C6orf132: variants seen among roughly 807,000 people sequenced by gnomAD.
The protein encoded by C6orf132 is uncharacterized protein C6orf132.
In C6orf132, 43 loss-of-function variants were observed where a neutral mutation model predicts 65.3. That is an observed-to-expected ratio of 0.66 (90% confidence interval 0.52 to 0.85). C6orf132 has a LOEUF of 0.85. Among genes scored for constraint, C6orf132 ranks in the 40% least tolerant of loss-of-function variants. The pLI is 0.00. For missense variants in C6orf132, 1,488 were observed against 1,548.8 expected (o/e 0.96, Z 0.66); for synonymous variants, 631 against 654.1 (o/e 0.96, Z 0.54).
intron 2 of C6orf132, chr6:42,126,515 G>C (rs1766767652): frequency 6.1e-6 from 1 of 164,968 alleles, no homozygotes; most frequent in East Asian, 1.6e-4. Flanking sequence ...CTGAGGGTAA[G>C]TGATAGGAGA....
chr6:42,128,133 A>G (rs539760778), intron 2 of C6orf132, among the ~76,000 whole-genome samples: 9 of 151,142 alleles, frequency 6.0e-5, no homozygotes, highest in East Asian at 2.0e-4. Context: ...TCACCGTGTT[A>G]GCCAGGATGG....
chr6:42,130,807 T>G (rs1340635967), intron 1 of C6orf132, among the ~76,000 whole-genome samples: 1 of 151,872 alleles, frequency 6.6e-6, no homozygotes, highest in Non-Finnish European at 1.5e-5. Context: ...AGTCTTTTTT[T>G]TTTGGTTATA....
In C6orf132 at chr6:42,106,786, G is replaced by A. The variant is rs1766417249; in HGVS notation, c.1126C>T (p.Leu376Phe). The stretch of plus-strand genomic sequence containing the variant: ...TCTGCTTGGGACTGGGACTGGCCAA[G>A]CCTTGGGCTGGCTGGTGCTGTGGCC... ...LKATAPASPR[L>F]GQSQSQADER... Residue 376 changes from leucine (L) to phenylalanine (F), a missense_variant, in exon 4 of 5, where the codon CTT becomes TTT. Transcript: ENST00000341865. 2.6e-6 allele frequency: 4 copies of A among 1,534,636 alleles called. No individual in the cohort carries two copies. Among genetic ancestry groups the A allele is most frequent in the Admixed American group, 3.9e-5 (2 of 50,948 alleles).
intron 1 of C6orf132, among the ~76,000 whole-genome samples, chr6:42,133,516 GAA>G (rs1766888436): frequency 1.3e-5 from 2 of 152,166 alleles, no homozygotes; most frequent in South Asian, 4.1e-4. Flanking sequence ...AGCTTCCAGA[GAA>G]AGAGAGTCCT....
intron 2 of C6orf132, among the ~76,000 whole-genome samples, chr6:42,121,741 C>T (rs1007504484): frequency 5.9e-5 from 9 of 152,200 alleles, no homozygotes; most frequent in African/African-American, 2.2e-4. Context: ...GGGCACTGGC[C>T]CTGTGGGGCG....
At chr6:42,138,707 G>A (rs1766989342) in intron 1 of C6orf132, among the ~76,000 whole-genome samples, 1 of 152,186 alleles carries the variant, frequency 6.6e-6, no homozygotes, top group African/African-American at 2.4e-5. Context: ...GGGTGCAGCG[G>A]TGGTAGATAA....
rs2127472499 is a variant in C6orf132 at position 42,103,839 on chromosome 6, G to A, written c.3489C>T (p.Asn1163=). 2.0e-6 allele frequency: 3 copies of A among 1,492,508 alleles called. No individual in the cohort carries two copies. The highest frequency in any genetic ancestry group is 2.8e-5 in the African/African-American group (2 of 70,914). The allele number at this position is 1,492,508 out of a possible 1,614,324, so 92.5% of individuals were successfully genotyped here. A position where few individuals can be genotyped will look rare whatever the true frequency, so the allele number is the denominator to read the frequency against. Residue 1163 remains asparagine (N), a synonymous_variant, in exon 5 of 5, where the codon AAC becomes AAT. Transcript: ENST00000341865. Reference sequence around the variant, plus strand: ...GGGTCCCAGGCCTCACGGTGAACGTGTTGATGGGGCTTCCATAGCGGGTGG... The same window carrying A: ...GGGTCCCAGGCCTCACGGTGAACGTATTGATGGGGCTTCCATAGCGGGTGG... The part of the protein sequence containing the change: ...YTTTRYGSPI[N]TFTVRPGTRH...
chr6:42,106,703 GAGGGGGGGTGCAGGAGGGGGC>G lies in C6orf132; in HGVS notation c.1188_1208del (p.Pro406_Pro412del). On this transcript the variant is annotated inframe_deletion, in exon 4 of 5. Coordinates refer to ENST00000341865, the MANE Select transcript of C6orf132 (RefSeq NM_001164446.3). ...GGGGAAGTGGGGGTGCTGGGGGAGGGAGGGGGGGTGCAGGAGGGGGCAGGGGAGGGGCTGGAGGCGGAGTCC... is the reference window on the plus strand; with the variant it reads ...GGGGAAGTGGGGGTGCTGGGGGAGGGAGGGGAGGGGCTGGAGGCGGAGTCC... 8.0e-7 allele frequency: 1 copy of G among 1,256,470 alleles called. No homozygotes were observed. The highest frequency in any genetic ancestry group is 1.1e-6 in the Non-Finnish European group (1 of 928,416). 77.8% of individuals were successfully genotyped at this position (1,256,470 alleles called of 1,614,324 possible). A position where few individuals can be genotyped will look rare whatever the true frequency, so the allele number is the denominator to read the frequency against.
At position 42,113,706 on chromosome 6, in the gene C6orf132, T is replaced by C. The variant is rs60147531; in HGVS notation, c.253-3415A>G. On this transcript the variant is annotated intron_variant, in intron 2 of 4. Transcript: ENST00000341865. ...GGCAGGTGCCTGTAATCCCAGCTATTCAGGAGGCTAAGGCAGGGAGAATTG... is the reference window on the plus strand; with the variant it reads ...GGCAGGTGCCTGTAATCCCAGCTATCCAGGAGGCTAAGGCAGGGAGAATTG... Among the ~76,000 whole-genome samples the C allele has an allele frequency of 4.9e-3, 748 of 152,082 alleles. 10 individuals are homozygous for C. Among genetic ancestry groups the C allele is most frequent in the African/African-American group, 0.017 (687 of 41,444 alleles).
chr6:42,137,367 C>T (rs1390252349), intron 1 of C6orf132, among the ~76,000 whole-genome samples: 1 of 152,134 alleles, frequency 6.6e-6, no homozygotes, highest in East Asian at 1.9e-4. Flanking sequence ...TGCCGGCAAA[C>T]CACAGCACAC....
At chr6:42,126,639 C>T (rs74884719) in intron 2 of C6orf132, 1 of 221,684 alleles carries the variant, frequency 4.5e-6, no homozygotes. Flanking sequence ...GTCAGGAGTT[C>T]GAGACCAGCC....
intron 2 of C6orf132, among the ~76,000 whole-genome samples, chr6:42,123,028 G>A (rs548663033): frequency 6.6e-6 from 1 of 152,210 alleles, no homozygotes; most frequent in African/African-American, 2.4e-5. Flanking sequence ...GAGGGCAAGA[G>A]AGAACCCCAG....
chr6:42,105,732 G>C lies in C6orf132; in HGVS notation c.2180C>G (p.Thr727Ser), dbSNP rs569931106. Residue 727 changes from threonine to serine, a missense_variant, in exon 4 of 5, where the codon ACT becomes AGT. Thr to Ser is a moderately conservative substitution (Grantham distance 58, BLOSUM62 1). Coordinates refer to ENST00000341865, the MANE Select transcript of C6orf132 (RefSeq NM_001164446.3). ...PEKPASQEVSTPSQARGEGSP... is the reference protein window; with the variant it reads ...PEKPASQEVSSPSQARGEGSP... ...CCCCTCTCCCCTTGCCTGGGAGGGA[G>C]TGGAAACTTCTTGAGATGCTGGCTT... 1.3e-6 allele frequency: 2 copies of C among 1,537,224 alleles called. No individual in the cohort carries two copies. The highest frequency in any genetic ancestry group is 2.7e-5 in the African/African-American group (2 of 73,078).
intron 2 of C6orf132, among the ~76,000 whole-genome samples, chr6:42,121,738 G>A (rs1282813699): frequency 6.6e-6 from 1 of 152,220 alleles, no homozygotes; most frequent in Non-Finnish European, 1.5e-5. Context: ...CTGGGGCACT[G>A]GCCCTGTGGG....
chr6:42,109,217 G>A (rs1219567707), intron 3 of C6orf132, among the ~76,000 whole-genome samples: 3 of 152,090 alleles, frequency 2.0e-5, no homozygotes, highest in Admixed American at 6.5e-5. Flanking sequence ...GGTGGATCAC[G>A]AGGTCAAGAG....
intron 2 of C6orf132, among the ~76,000 whole-genome samples, chr6:42,117,923 CAAAAAAA>C (rs556142891): frequency 0.024 from 1,513 of 62,388 alleles, 22 homozygotes; most frequent in African/African-American, 0.082. Context: ...AACCCTGTCA[CAAAAAAA>C]AAAAAAAAAA....
chr6:42,142,390 G>T lies in C6orf132; in HGVS notation c.55C>A (p.His19Asn). The change falls in exon 1 of 5, where the codon CAC (histidine) becomes AAC (asparagine). Residue 19 changes from histidine (H) to asparagine (N), a missense_variant. Coordinates refer to ENST00000341865, the MANE Select transcript of C6orf132 (RefSeq NM_001164446.3). ...AGGGAGGTGCTGGGGGTCGTGGTGT[G>T]CTTCTTCCCGAAGAGTTTGCTGAAG... ...GTFSKLFGKK[H>N]TTTPSTSLYA... 6.4e-7 allele frequency: 1 copy of T among 1,551,524 alleles called. No homozygotes were observed. The highest frequency in any genetic ancestry group is 8.7e-7 in the Non-Finnish European group (1 of 1,146,874).
chr6:42,106,975 A>C lies in C6orf132; in HGVS notation c.937T>G (p.Ser313Ala), dbSNP rs1435919708. The change falls in exon 4 of 5, where the codon TCG (serine) becomes GCG (alanine). Residue 313 changes from serine (S) to alanine (A), a missense_variant. Coordinates refer to ENST00000341865, the MANE Select transcript of C6orf132 (RefSeq NM_001164446.3). The part of the protein sequence containing the change: ...KVPPPTPVRT[S>A]SIPVQEAQEA... ...TGTGCTTCCTGAACTGGGATGGACGAAGTCCTGACTGGGGTTGGGGGAGGC... is the reference window on the plus strand; with the variant it reads ...TGTGCTTCCTGAACTGGGATGGACGCAGTCCTGACTGGGGTTGGGGGAGGC... 1.2e-5 allele frequency: 19 copies of C among 1,533,786 alleles called. No individual in the cohort carries two copies. Among genetic ancestry groups the C allele is most frequent in the Non-Finnish European group, 1.7e-5 (19 of 1,146,052 alleles).
intron 1 of C6orf132, among the ~76,000 whole-genome samples, chr6:42,132,872 A>G (rs1331079557): frequency 6.7e-6 from 1 of 150,312 alleles, no homozygotes; most frequent in East Asian, 2.0e-4. Flanking sequence ...AAAAAAAGAA[A>G]AGAAAAGAAA....
Sources: allele counts gnomAD v4.1 joint callset (sites outside exome capture counted in the v4.1 genomes callset), GRCh38; gene constraint gnomAD v4.1.1; transcripts MANE v1.5; gene names NCBI Gene and HGNC (gene_info 2026-07-23, HGNC 2026-07-21).